RANBP2: variants seen among roughly 807,000 people sequenced by gnomAD.
The protein encoded by RANBP2 is E3 SUMO-protein ligase RanBP2.
In RANBP2, 57 loss-of-function variants were observed where a neutral mutation model predicts 303.6. That is an observed-to-expected ratio of 0.19 (90% CI 0.15 to 0.23). The LOEUF is 0.23. Among genes scored for constraint, RANBP2 ranks in the 10% least tolerant of loss-of-function variants. The pLI is 1.00. For missense variants in RANBP2, 3,138 were observed against 3,780.8 expected, an observed-to-expected ratio of 0.83 and a Z score of 4.46; for synonymous variants, 1,167 against 1,301.5, an observed-to-expected ratio of 0.90 and a Z score of 2.23.
At chr2:109,064,608 C>T in the RANBP2 span, among the ~76,000 whole-genome samples, 1 of 152,080 alleles carries the variant, frequency 6.6e-6, no homozygotes, top group Non-Finnish European at 1.5e-5. Flanking sequence ...AGAGAAAGTG[C>T]TACGGAAATT....
the RANBP2 span, among the ~76,000 whole-genome samples, chr2:109,329,764 A>C: frequency 6.6e-6 from 1 of 152,244 alleles, no homozygotes; most frequent in East Asian, 1.9e-4. Context: ...GAGGCTGGAG[A>C]TGCCTTTTCT....
chr2:109,129,487 A>G, the RANBP2 span: 2 of 1,494,602 alleles, frequency 1.3e-6, no homozygotes, highest in Non-Finnish European at 1.8e-6. Flanking sequence ...GGCGGGCTCC[A>G]CGCCGGCCCC....
chr2:109,450,431 A>G, the RANBP2 span, among the ~76,000 whole-genome samples: 1 of 152,324 alleles, frequency 6.6e-6, no homozygotes, highest in South Asian at 2.1e-4. Context: ...ATTAACCAGG[A>G]TGAGAATCCA....
the RANBP2 span, among the ~76,000 whole-genome samples, chr2:108,954,250 A>G: frequency 6.6e-6 from 1 of 152,242 alleles, no homozygotes; most frequent in Non-Finnish European, 1.5e-5. Flanking sequence ...TCCGGAGACC[A>G]GCAGCAGATT....
the RANBP2 span, among the ~76,000 whole-genome samples, chr2:109,659,374 C>CA: frequency 1.3e-5 from 2 of 152,094 alleles, no homozygotes; most frequent in Non-Finnish European, 2.9e-5. Flanking sequence ...TCATCCCCCC[C>CA]AAAAACACAC....
chr2:109,141,538 C>T, the RANBP2 span: 1 of 154,930 alleles, frequency 6.5e-6, no homozygotes, highest in African/African-American at 2.4e-5. Context: ...TCACCAGTCC[C>T]CAGGCTGACC....
At chr2:109,734,935 T>C in the RANBP2 span, among the ~76,000 whole-genome samples, 6 of 152,192 alleles carry the variant, frequency 3.9e-5, no homozygotes, top group Non-Finnish European at 7.4e-5. Flanking sequence ...GATACATGTA[T>C]ACAAAGTTTG....
the RANBP2 span, among the ~76,000 whole-genome samples, chr2:109,260,480 G>A: frequency 1.3e-5 from 2 of 152,218 alleles, no homozygotes; most frequent in South Asian, 2.1e-4. Flanking sequence ...CTGTATCTGG[G>A]TTTTAATTCC....
chr2:109,312,463 G>T, the RANBP2 span, among the ~76,000 whole-genome samples: 2 of 152,074 alleles, frequency 1.3e-5, no homozygotes, highest in Admixed American at 6.6e-5. Flanking sequence ...TCTAGTTCCA[G>T]AAGTTTCCTT....
chr2:108,960,536 C>T, the RANBP2 span, among the ~76,000 whole-genome samples: 1 of 152,194 alleles, frequency 6.6e-6, no homozygotes, highest in African/African-American at 2.4e-5. Context: ...TCTGCTGCCC[C>T]GTCAGCCAGC....
At chr2:109,433,371 ACTT>A in the RANBP2 span, among the ~76,000 whole-genome samples, 1 of 152,348 alleles carries the variant, frequency 6.6e-6, no homozygotes. Flanking sequence ...CAGTTCTACT[ACTT>A]TTATCAAATA....
At chr2:108,897,239 C>G in the RANBP2 span, 1 of 1,611,440 alleles carries the variant, frequency 6.2e-7, no homozygotes, top group Non-Finnish European at 8.5e-7. Context: ...CCTACAGACA[C>G]CAATGGCCAC....
At chr2:109,107,287 C>T in the RANBP2 span, among the ~76,000 whole-genome samples, 7 of 151,520 alleles carry the variant, frequency 4.6e-5, no homozygotes, top group Admixed American at 3.3e-4. Context: ...AGACCATCCA[C>T]GGAAGAGTAT....
the RANBP2 span, among the ~76,000 whole-genome samples, chr2:109,445,457 A>G: frequency 6.6e-6 from 1 of 152,368 alleles, no homozygotes; most frequent in South Asian, 2.1e-4. Context: ...GATTACTTAC[A>G]TAGAAATGAA....
chr2:108,994,471 T>C, the RANBP2 span, among the ~76,000 whole-genome samples: 3 of 152,222 alleles, frequency 2.0e-5, no homozygotes, highest in Admixed American at 1.3e-4. Flanking sequence ...ATCTGTAATA[T>C]TGTCATTTAG....
chr2:109,585,254 T>C, the RANBP2 span: 11 of 1,613,222 alleles, frequency 6.8e-6, no homozygotes, highest in Admixed American at 3.3e-5. Context: ...AATGTGAGGA[T>C]TCATAGTCTT....
At chr2:109,639,205 A>T in the RANBP2 span, among the ~76,000 whole-genome samples, 10 of 152,248 alleles carry the variant, frequency 6.6e-5, no homozygotes, top group South Asian at 2.1e-4. Context: ...ATTAGGCCAA[A>T]TCTACACTAA....
At chr2:109,488,574 C>A in the RANBP2 span, among the ~76,000 whole-genome samples, 1 of 152,210 alleles carries the variant, frequency 6.6e-6, no homozygotes, top group Non-Finnish European at 1.5e-5. Flanking sequence ...CCACTCAGAT[C>A]CCAGGGTTCT....
chr2:109,299,461 C>T, the RANBP2 span, among the ~76,000 whole-genome samples: 2 of 152,066 alleles, frequency 1.3e-5, no homozygotes, highest in African/African-American at 2.4e-5. Flanking sequence ...GTCTGCCAGC[C>T]ACCAGGGCCT....
Sources: allele counts gnomAD v4.1 joint callset (sites outside exome capture counted in the v4.1 genomes callset), GRCh38; gene constraint gnomAD v4.1.1; transcripts MANE v1.5; gene names NCBI Gene and HGNC (gene_info 2026-07-23, HGNC 2026-07-21).